Variants in SCAF11 observed in about 807,000 individuals in gnomAD.
SCAF11 encodes the protein protein SCAF11.
Under a neutral mutation model 140.5 loss-of-function variants are expected in SCAF11, and 47 were observed. That is an observed-to-expected ratio of 0.33 (90% CI 0.26 to 0.43). The LOEUF (loss-of-function observed/expected upper bound fraction) is 0.43, where lower values mean the gene tolerates loss of function less well. Among genes scored for constraint, SCAF11 ranks in the 20% least tolerant of loss-of-function variants. The pLI, the probability that SCAF11 is intolerant of heterozygous loss-of-function variation, is 1.00. For synonymous variants in SCAF11, 557 were observed against 579.4 expected (o/e 0.96, Z 0.55); for missense variants, 1,645 against 1,705.1 (o/e 0.96, Z 0.62).
At chr12:45,991,876 G>T, upstream of SCAF11, 2 of 1,282,742 alleles carry the variant, frequency 1.6e-6, no homozygotes, top group Non-Finnish European at 2.0e-6. Flanking sequence ...CTCCCCGCGC[G>T]CGGCTCACCC....
chr12:45,991,458 A>C (rs897644671), upstream of SCAF11, among the ~76,000 whole-genome samples: 11 of 152,126 alleles, frequency 7.2e-5, no homozygotes, highest in Non-Finnish European at 1.5e-5. Context: ...GCTCCTCGGG[A>C]AGATGAGGTG....
At chr12:45,937,870 T>C (rs1448724839) in intron 6 of SCAF11, among the ~76,000 whole-genome samples, 1 of 152,172 alleles carries the variant, frequency 6.6e-6, no homozygotes, top group Non-Finnish European at 1.5e-5. Context: ...CAGTCTTTCA[T>C]TGGGTACTCC....
At chr12:45,945,536 C>CTT (rs36058160) in intron 5 of SCAF11, among the ~76,000 whole-genome samples, 56 of 122,016 alleles carry the variant, frequency 4.6e-4, no homozygotes, top group South Asian at 2.6e-3. Flanking sequence ...TTATCTCAGT[C>CTT]TTTTTTTTTT....
At chr12:45,932,636 T>A (rs1291627) in intron 9 of SCAF11, among the ~76,000 whole-genome samples, 149,954 of 152,274 alleles carry the variant, frequency 0.98, 73,850 homozygotes, top group East Asian at 1. Context: ...TATATATTAT[T>A]TATCTAGCAC....
At chr12:45,985,115 C>G (rs540372905) in intron 1 of SCAF11, among the ~76,000 whole-genome samples, 2 of 152,312 alleles carry the variant, frequency 1.3e-5, no homozygotes, top group African/African-American at 4.8e-5. Context: ...ATTTAGAAAA[C>G]AAGATTTGGA....
At chr12:45,972,533 T>C (rs1592217426) in intron 1 of SCAF11, among the ~76,000 whole-genome samples, 1 of 136,566 alleles carries the variant, frequency 7.3e-6, no homozygotes, top group African/African-American at 2.8e-5. Flanking sequence ...TGAAGGAAAG[T>C]ACAATCATGC....
intron 1 of SCAF11, among the ~76,000 whole-genome samples, chr12:45,988,702 T>C (rs1946519817): frequency 6.6e-6 from 1 of 152,232 alleles, no homozygotes; most frequent in Non-Finnish European, 1.5e-5. Flanking sequence ...AGAATGTCTT[T>C]AAAGCATGAG....
intron 1 of SCAF11, among the ~76,000 whole-genome samples, chr12:45,984,329 C>T (rs1307400268): frequency 1.3e-5 from 2 of 151,924 alleles, no homozygotes; most frequent in Non-Finnish European, 2.9e-5. Context: ...ATGTAGTTTT[C>T]TTTCTGTAGG....
At chr12:45,970,452 C>A (rs1231500497) in intron 1 of SCAF11, among the ~76,000 whole-genome samples, 1 of 152,250 alleles carries the variant, frequency 6.6e-6, no homozygotes, top group Non-Finnish European at 1.5e-5. Context: ...AAGCCCAATC[C>A]TGCCATGACA....
At chr12:45,969,719 C>A (rs1452351100) in intron 1 of SCAF11, among the ~76,000 whole-genome samples, 1 of 152,186 alleles carries the variant, frequency 6.6e-6, no homozygotes, top group Non-Finnish European at 1.5e-5. Context: ...TTGATCAAGT[C>A]TCCTATTAGA....
rs779717763 is a variant in SCAF11 at position 45,951,738 on chromosome 12, ATT to A, written c.220-13_220-12del. The A allele has an allele frequency of 6.6e-7, 1 of 1,525,034 alleles. No individual in the cohort carries two copies. The highest frequency in any genetic ancestry group is 1.4e-5 in the African/African-American group (1 of 73,530). 94.5% of individuals were successfully genotyped at this position (1,525,034 alleles called of 1,614,324 possible). On this transcript the variant is annotated splice_polypyrimidine_tract_variant and intron_variant, in intron 3 of 14. Transcript: ENST00000369367. ...ACATGAAGCCAGTGTCTGAAAAGTG[ATT>A]AACAAATTATATCTTTACAAATGTT...
At chr12:45,986,315 C>T (rs980879099) in intron 1 of SCAF11, among the ~76,000 whole-genome samples, 1 of 152,182 alleles carries the variant, frequency 6.6e-6, no homozygotes, top group African/African-American at 2.4e-5. Context: ...TGGCACAACC[C>T]AGGAATGTAA....
chr12:45,958,096 G>A (rs1945740964), intron 3 of SCAF11, among the ~76,000 whole-genome samples: 2 of 151,118 alleles, frequency 1.3e-5, no homozygotes, highest in South Asian at 2.1e-4. Flanking sequence ...GTAGAGATGA[G>A]GTCTCACCAT....
rs148013560 is a variant in SCAF11 at position 45,928,059 on chromosome 12, T to C, written c.1642A>G (p.Asn548Asp). The C allele has an allele frequency of 1.5e-4, 239 of 1,613,720 alleles. 1 individual carries two copies. Among genetic ancestry groups the C allele is most frequent in the Non-Finnish European group, 1.9e-4 (219 of 1,180,000 alleles). ...GATGTTAAACATGTAGGAAAATCAT[T>C]TGGAAGATGAACTGTACATACATCT... ...KTDVCTVHLP[N>D]DFPTCLTSES... Residue 548 changes from asparagine to aspartate, a missense_variant, in exon 11 of 15, where the codon AAT becomes GAT. Coordinates refer to ENST00000369367, the MANE Select transcript of SCAF11 (RefSeq NM_004719.3).
intron 1 of SCAF11, among the ~76,000 whole-genome samples, chr12:45,979,973 T>C (rs1044004827): frequency 1.7e-4 from 26 of 152,188 alleles, no homozygotes; most frequent in Non-Finnish European, 1.5e-5. Context: ...TCACAAATGC[T>C]ACAAATGCCC....
intron 5 of SCAF11, among the ~76,000 whole-genome samples, chr12:45,947,239 T>A (rs550658573): frequency 6.6e-6 from 1 of 152,286 alleles, no homozygotes; most frequent in African/African-American, 2.4e-5. Context: ...AAGTTTCAAA[T>A]GTATTAGAAC....
At chr12:45,949,183 C>T (rs1036030012) in intron 4 of SCAF11, among the ~76,000 whole-genome samples, 1 of 152,070 alleles carries the variant, frequency 6.6e-6, no homozygotes. Context: ...TATAGATAAA[C>T]TAGATCTTAA....
At chr12:45,924,542 T>A (rs1944800513) in intron 12 of SCAF11, among the ~76,000 whole-genome samples, 186 bp downstream of exon 12, 1 of 152,222 alleles carries the variant, frequency 6.6e-6, no homozygotes, top group African/African-American at 2.4e-5. Context: ...TTAATTAATT[T>A]TCTAATTTGG....
At chr12:45,967,167 C>T (rs1015252437) in intron 1 of SCAF11, among the ~76,000 whole-genome samples, 1 of 152,046 alleles carries the variant, frequency 6.6e-6, no homozygotes, top group Admixed American at 6.5e-5. Flanking sequence ...GTGGGAGGAT[C>T]GCTTGAGCCC....
Sources: gnomAD v4.1 joint callset for allele counts (sites outside exome capture counted in the v4.1 genomes callset) on GRCh38, gnomAD v4.1.1 for gene constraint, MANE v1.5 for transcripts, NCBI Gene and HGNC (gene_info 2026-07-23, HGNC 2026-07-21) for gene names.